ZNF407: variants seen among roughly 807,000 people sequenced by gnomAD.
ZNF407 encodes zinc finger protein 407.
A neutral mutation model predicts 131.2 loss-of-function variants in ZNF407; 17 were observed. That is an observed-to-expected ratio of 0.13 (90% CI 0.09 to 0.19). The LOEUF is 0.19. Ranked by LOEUF, ZNF407 falls within the 10% of genes least tolerant of loss-of-function variation. ZNF407 has a pLI of 1.00. For synonymous variants in ZNF407, 1,156 were observed against 1,062.0 expected (o/e 1.09, Z -1.72); for missense variants, 2,681 against 2,830.6 (o/e 0.95, Z 1.20).
chr18:74,617,070 T>TCCATATCCACACA (rs1983336161), intron 1 of ZNF407, among the ~76,000 whole-genome samples: 1 of 11,404 alleles, frequency 8.8e-5, no homozygotes, highest in Non-Finnish European at 1.7e-4. Context: ...CACATCCATA[T>TCCATATCCACACA]CCACACACAT....
intron 3 of ZNF407, among the ~76,000 whole-genome samples, chr18:74,737,593 G>T (rs1383431516): frequency 2.6e-5 from 4 of 152,180 alleles, no homozygotes; most frequent in African/African-American, 4.8e-5. Flanking sequence ...ATGAGTGTGT[G>T]TGCAGTGCAT....
chr18:74,919,421 G>A (rs1971816753), intron 7 of ZNF407, among the ~76,000 whole-genome samples: 1 of 152,218 alleles, frequency 6.6e-6, no homozygotes, highest in African/African-American at 2.4e-5. Context: ...TGCACTGTGA[G>A]ATGTGTTGGC....
chr18:74,752,675 A>G (rs1449926600), intron 3 of ZNF407, among the ~76,000 whole-genome samples: 1 of 152,218 alleles, frequency 6.6e-6, no homozygotes, highest in Non-Finnish European at 1.5e-5. Flanking sequence ...GTCAAAGATC[A>G]GATGGTTGTA....
At chr18:74,825,152 A>C (rs1970392684) in intron 4 of ZNF407, among the ~76,000 whole-genome samples, 1 of 152,220 alleles carries the variant, frequency 6.6e-6, no homozygotes, top group South Asian at 2.1e-4. Context: ...CCTGTGACAC[A>C]ATGCAGCACC....
chr18:74,865,211 T>C (rs1383690592), intron 4 of ZNF407, among the ~76,000 whole-genome samples: 1 of 152,092 alleles, frequency 6.6e-6, no homozygotes, highest in Non-Finnish European at 1.5e-5. Context: ...AAAAGAGGAG[T>C]TGTCATTTGT....
chr18:74,640,552 A>G (rs1984666733), intron 2 of ZNF407, among the ~76,000 whole-genome samples: 1 of 152,188 alleles, frequency 6.6e-6, no homozygotes, highest in Non-Finnish European at 1.5e-5. Flanking sequence ...TCAAAGCCGG[A>G]GAAATATGAG....
At chr18:74,704,220 A>G (rs1251179330) in intron 3 of ZNF407, among the ~76,000 whole-genome samples, 2 of 152,214 alleles carry the variant, frequency 1.3e-5, no homozygotes, top group Non-Finnish European at 2.9e-5. Flanking sequence ...AAACCAGGCC[A>G]TCGCTGCGCT....
intron 4 of ZNF407, among the ~76,000 whole-genome samples, chr18:74,828,833 G>T (rs1203089961): frequency 7.2e-6 from 1 of 138,978 alleles, no homozygotes; most frequent in African/African-American, 2.5e-5. Context: ...GCATAAAAGG[G>T]GTTAATTTTC....
chr18:74,858,781 A>G (rs563712734), intron 4 of ZNF407, among the ~76,000 whole-genome samples: 5 of 152,342 alleles, frequency 3.3e-5, no homozygotes, highest in African/African-American at 1.2e-4. Context: ...TATATGACCA[A>G]TAATGTTGAG....
intron 3 of ZNF407, among the ~76,000 whole-genome samples, chr18:74,663,906 C>T (rs1437695534): frequency 4.6e-5 from 7 of 152,164 alleles, no homozygotes; most frequent in Non-Finnish European, 8.8e-5. Context: ...GGCCTGGACC[C>T]GGAAGGTAGA....
chr18:74,771,467 A>G (rs1370616190), intron 3 of ZNF407, among the ~76,000 whole-genome samples: 1 of 152,076 alleles, frequency 6.6e-6, no homozygotes, highest in Non-Finnish European at 1.5e-5. Context: ...ACAATATAAT[A>G]TGAACCTGCT....
At chr18:74,819,377 T>G (rs1421358890) in intron 4 of ZNF407, among the ~76,000 whole-genome samples, 2 of 152,160 alleles carry the variant, frequency 1.3e-5, no homozygotes, top group Non-Finnish European at 2.9e-5. Flanking sequence ...ACAGAATGTA[T>G]AATATCCGGT....
chr18:74,837,836 T>A (rs1257650263), intron 4 of ZNF407, among the ~76,000 whole-genome samples: 1 of 152,108 alleles, frequency 6.6e-6, no homozygotes, highest in East Asian at 1.9e-4. Context: ...GTATTTTTTG[T>A]AGGGATGAAA....
At chr18:74,873,889 T>C (rs1191663537) in intron 4 of ZNF407, among the ~76,000 whole-genome samples, 1 of 152,214 alleles carries the variant, frequency 6.6e-6, no homozygotes, top group African/African-American at 2.4e-5. Flanking sequence ...AAAGGTATTA[T>C]GTAGAACATT....
At chr18:74,905,542 C>G (rs1199569416) in intron 7 of ZNF407, 2 of 152,254 alleles carry the variant, frequency 1.3e-5, no homozygotes, top group African/African-American at 4.8e-5. Context: ...ACCAAGAATG[C>G]GTCAGTGTTC....
Position 74,812,721 on chromosome 18 carries a change from C to T in ZNF407, c.4877+31219C>T, listed in dbSNP as rs549678377. On this transcript the variant is annotated intron_variant, in intron 4 of 8. Transcript: ENST00000299687. ...TCACCCTGTTCTTCTGGGACATTTT[C>T]GACCTCTGTGTGGATCCCACGTGTC... is the stretch of plus-strand genomic sequence containing the variant. Among the ~76,000 whole-genome samples, 9 of 152,268 alleles carry T rather than the reference C, an allele frequency of 5.9e-5. No individual in the cohort carries two copies. In the East Asian group the frequency reaches 1.5e-3, roughly 26 times the overall value.
At chr18:74,626,257 C>G (rs1983780418) in intron 1 of ZNF407, among the ~76,000 whole-genome samples, 1 of 152,174 alleles carries the variant, frequency 6.6e-6, no homozygotes, top group Non-Finnish European at 1.5e-5. Flanking sequence ...TTATACATAG[C>G]TGCTAGCAAT....
At chr18:74,685,896 A>G (rs1370043765) in intron 3 of ZNF407, among the ~76,000 whole-genome samples, 1 of 152,026 alleles carries the variant, frequency 6.6e-6, no homozygotes, top group Non-Finnish European at 1.5e-5. Flanking sequence ...AGTTATCTGT[A>G]CTGTTTATTG....
chr18:74,824,917 A>T (rs144016898), intron 4 of ZNF407, among the ~76,000 whole-genome samples: 38 of 152,184 alleles, frequency 2.5e-4, no homozygotes, highest in African/African-American at 8.0e-4. Context: ...CAACAAAAAA[A>T]GTTCAGGCCA....
Sources: gnomAD v4.1 joint callset for allele counts (sites outside exome capture counted in the v4.1 genomes callset) on GRCh38, gnomAD v4.1.1 for gene constraint, MANE v1.5 for transcripts, NCBI Gene and HGNC (gene_info 2026-07-23, HGNC 2026-07-21) for gene names.